The following METTL15 variants were observed in gnomAD, a reference collection of about 807,000 sequenced individuals.
METTL15 encodes 12S rRNA N(4)-cytidine methyltransferase METTL15.
METTL15 carries 34 observed loss-of-function variants against 38.3 expected under a neutral mutation model. The observed-to-expected ratio is 0.89, with a 90% CI of 0.68 to 1.18. METTL15 has a LOEUF of 1.18. METTL15 is among the 50% of genes most tolerant of loss of function. The pLI, the probability that METTL15 is intolerant of heterozygous loss-of-function variation, is 0.00. For synonymous variants in METTL15, 162 were observed against 170.9 expected (o/e 0.95, Z 0.41); for missense variants, 438 against 498.4 (o/e 0.88, Z 1.15).
At chr11:28,518,356 C>T (rs1308983582) in intron 6 of METTL15, among the ~76,000 whole-genome samples, 5 of 152,086 alleles carry the variant, frequency 3.3e-5, no homozygotes, top group African/African-American at 9.7e-5. Flanking sequence ...GAGTGCCTGG[C>T]GCCACCACAC....
At chr11:28,338,654 A>C (rs1368516871) in intron 3 of METTL15, among the ~76,000 whole-genome samples, 1 of 152,106 alleles carries the variant, frequency 6.6e-6, no homozygotes, top group Admixed American at 6.6e-5. Context: ...TGGATGAGAG[A>C]TATCAAAACA....
At chr11:28,188,649 A>T (rs1477170031) in intron 3 of METTL15, among the ~76,000 whole-genome samples, 1 of 151,234 alleles carries the variant, frequency 6.6e-6, no homozygotes, top group Non-Finnish European at 1.5e-5. Context: ...TAATGTTAGA[A>T]CTCACCTGAA....
At chr11:28,524,719 A>G (rs1262221594) in intron 6 of METTL15, among the ~76,000 whole-genome samples, 4 of 152,228 alleles carry the variant, frequency 2.6e-5, no homozygotes, top group Admixed American at 6.5e-5. Flanking sequence ...ATGAGAGCCA[A>G]TATATTTGAG....
chr11:28,441,740 A>T (rs937489190), intron 6 of METTL15, among the ~76,000 whole-genome samples: 4 of 151,186 alleles, frequency 2.6e-5, no homozygotes, highest in East Asian at 1.9e-4. Context: ...TCACTTATTT[A>T]AAAAAAAAGT....
rs148909262 is a variant in METTL15 at position 28,156,187 on chromosome 11, T to C, written c.270+42583T>C. On this transcript the variant is annotated intron_variant, in intron 3 of 6. Transcript: ENST00000407364. ...TTGGAAGTCACCTCATAAAAAAATATCATTCATCCCTTGGTCTTTACAGAA... is the reference window on the plus strand; with the variant it reads ...TTGGAAGTCACCTCATAAAAAAATACCATTCATCCCTTGGTCTTTACAGAA... Among the ~76,000 whole-genome samples the C allele has an allele frequency of 2.0e-3, 298 of 152,244 alleles. 2 individuals carry two copies. Among genetic ancestry groups the C allele is most frequent in the African/African-American group, 6.5e-3 (269 of 41,560 alleles).
chr11:28,467,259 G>A (rs546037249), intron 6 of METTL15, among the ~76,000 whole-genome samples: 30 of 152,268 alleles, frequency 2.0e-4, no homozygotes, highest in African/African-American at 7.0e-4. Flanking sequence ...AGGATAAGGG[G>A]ACCAGGGTAG....
intron 6 of METTL15, among the ~76,000 whole-genome samples, chr11:28,307,299 G>A (rs1857115832): frequency 6.6e-6 from 1 of 151,876 alleles, no homozygotes; most frequent in Non-Finnish European, 1.5e-5. Context: ...AAGACTATAT[G>A]AGGGGAAGGA....
At chr11:28,179,161 A>T (rs1173861824) in intron 3 of METTL15, among the ~76,000 whole-genome samples, 2 of 151,754 alleles carry the variant, frequency 1.3e-5, no homozygotes, top group East Asian at 3.9e-4. Flanking sequence ...TTTTAATTAG[A>T]GTTTTTAGTT....
intron 4 of METTL15, among the ~76,000 whole-genome samples, chr11:28,259,964 T>C (rs1232111993): frequency 1.3e-5 from 2 of 152,340 alleles, no homozygotes; most frequent in Admixed American, 6.5e-5. Flanking sequence ...CCAATACTTC[T>C]GATTACTTTA....
chr11:28,391,932 A>C (rs1165967280), intron 5 of METTL15, among the ~76,000 whole-genome samples: 1 of 152,188 alleles, frequency 6.6e-6, no homozygotes, highest in Non-Finnish European at 1.5e-5. Flanking sequence ...AAAATACCAA[A>C]AGCATGGCAA....
chr11:28,485,443 C>T (rs1483616226), intron 6 of METTL15, among the ~76,000 whole-genome samples: 1 of 151,976 alleles, frequency 6.6e-6, no homozygotes, highest in African/African-American at 2.4e-5. Flanking sequence ...ACATAAAAAC[C>T]AAATCGCTAA....
At chr11:28,504,217 AAG>A (rs1382613200) in intron 6 of METTL15, among the ~76,000 whole-genome samples, 4 of 151,320 alleles carry the variant, frequency 2.6e-5, no homozygotes, top group African/African-American at 4.8e-5. Flanking sequence ...AAAAAAAAAA[AAG>A]AGAGGGAGAA....
chr11:28,355,432 T>G (rs756450265), intron 4 of METTL15, among the ~76,000 whole-genome samples: 7 of 152,024 alleles, frequency 4.6e-5, no homozygotes, highest in Non-Finnish European at 1.0e-4. Flanking sequence ...TTGGAGAAGA[T>G]TCACCATTAC....
intron 6 of METTL15, among the ~76,000 whole-genome samples, chr11:28,317,693 A>G (rs986339624): frequency 2.6e-5 from 4 of 152,332 alleles, no homozygotes; most frequent in East Asian, 1.9e-4. Flanking sequence ...GGTGCTTTTT[A>G]TGAATGAAGT....
chr11:28,445,891 A>G (rs1014203862), intron 6 of METTL15, among the ~76,000 whole-genome samples: 52 of 151,986 alleles, frequency 3.4e-4, no homozygotes, highest in African/African-American at 1.1e-3. Context: ...GGCTCAAGCA[A>G]TCTTCCTGCC....
intron 3 of METTL15, among the ~76,000 whole-genome samples, chr11:28,140,342 T>C (rs974913993): frequency 6.6e-6 from 1 of 152,140 alleles, no homozygotes; most frequent in Non-Finnish European, 1.5e-5. Flanking sequence ...TGGTTTGGAA[T>C]AAGGCTGACA....
chr11:28,439,521 C>T (rs1202761238), intron 6 of METTL15, among the ~76,000 whole-genome samples: 1 of 152,136 alleles, frequency 6.6e-6, no homozygotes, highest in African/African-American at 2.4e-5. Context: ...TCATTGTGTA[C>T]CTAAACTTGG....
chr11:28,290,666 G>T (rs1445242647), intron 5 of METTL15, among the ~76,000 whole-genome samples: 2 of 151,986 alleles, frequency 1.3e-5, no homozygotes, highest in Non-Finnish European at 2.9e-5. Context: ...TACACAATAT[G>T]GGTTTTAGAG....
intron 5 of METTL15, among the ~76,000 whole-genome samples, chr11:28,417,371 A>G (rs909163771): frequency 1.3e-5 from 2 of 152,188 alleles, no homozygotes; most frequent in African/African-American, 4.8e-5. Flanking sequence ...TTAAGTCCCA[A>G]TCTATTGTCT....
Sources: gnomAD v4.1 joint callset for allele counts (sites outside exome capture counted in the v4.1 genomes callset) on GRCh38, gnomAD v4.1.1 for gene constraint, MANE v1.5 for transcripts, NCBI Gene and HGNC (gene_info 2026-07-23, HGNC 2026-07-21) for gene names.